The following KLHL1 variants were observed in gnomAD, a reference collection of about 807,000 sequenced individuals.
KLHL1 encodes the protein kelch-like protein 1.
In KLHL1, 47 loss-of-function variants were observed where a neutral mutation model predicts 77.7. That is an observed-to-expected ratio of 0.60 (90% CI 0.48 to 0.77). KLHL1 has a LOEUF of 0.77. KLHL1 is among the 30% of genes least tolerant of loss of function. The pLI is 0.00. For missense variants in KLHL1, 925 were observed against 910.8 expected (o/e 1.02, Z -0.20); for synonymous variants, 360 against 325.2 (o/e 1.11, Z -1.15).
intron 9 of KLHL1, among the ~76,000 whole-genome samples, chr13:69,715,910 T>C (rs9317837): frequency 0.26 from 39,053 of 152,020 alleles, 5,141 homozygotes; most frequent in South Asian, 0.33. Flanking sequence ...TATAAGGATA[T>C]ACTTTTCAAT....
intron 6 of KLHL1, among the ~76,000 whole-genome samples, chr13:69,817,078 A>G (rs1878151585): frequency 6.6e-6 from 1 of 152,144 alleles, no homozygotes; most frequent in African/African-American, 2.4e-5. Context: ...CTTACTGAAC[A>G]TAAACTCATG....
intron 1 of KLHL1, among the ~76,000 whole-genome samples, chr13:70,020,240 G>A (rs1000477598): frequency 6.6e-6 from 1 of 152,048 alleles, no homozygotes; most frequent in African/African-American, 2.4e-5. Context: ...CATAAACTGA[G>A]GTTGGAAACA....
At chr13:69,787,282 A>T (rs1471053244) in intron 7 of KLHL1, among the ~76,000 whole-genome samples, 7 of 152,196 alleles carry the variant, frequency 4.6e-5, no homozygotes, top group African/African-American at 1.7e-4. Flanking sequence ...ACAGTAACCA[A>T]AAGAGCATGG....
At chr13:69,791,801 C>A (rs571848971) in intron 7 of KLHL1, among the ~76,000 whole-genome samples, 1 of 152,216 alleles carries the variant, frequency 6.6e-6, no homozygotes, top group African/African-American at 2.4e-5. Context: ...TAATTTAAGA[C>A]CTTAAATGTT....
intron 7 of KLHL1, among the ~76,000 whole-genome samples, chr13:69,749,451 T>C (rs1286709644): frequency 2.0e-5 from 3 of 152,024 alleles, no homozygotes; most frequent in Non-Finnish European, 4.4e-5. Flanking sequence ...CCAGTACATA[T>C]AATTATTTAT....
chr13:70,074,882 T>A (rs1365117057), intron 1 of KLHL1, among the ~76,000 whole-genome samples: 4 of 152,040 alleles, frequency 2.6e-5, no homozygotes, highest in Admixed American at 2.0e-4. Context: ...TTTTAAATTC[T>A]GTAGACAAAT....
At chr13:70,006,718 C>T (rs1318959572) in intron 1 of KLHL1, among the ~76,000 whole-genome samples, 1 of 151,688 alleles carries the variant, frequency 6.6e-6, no homozygotes, top group African/African-American at 2.4e-5. Flanking sequence ...GGAGAAAGAT[C>T]CCAAAGGCAA....
At chr13:69,809,602 G>A (rs938196394) in intron 6 of KLHL1, among the ~76,000 whole-genome samples, 1 of 151,958 alleles carries the variant, frequency 6.6e-6, no homozygotes, top group Non-Finnish European at 1.5e-5. Flanking sequence ...TATCACAAAA[G>A]CACACAGCCC....
At chr13:70,007,203 G>A (rs776347019) in intron 1 of KLHL1, among the ~76,000 whole-genome samples, 118 of 151,958 alleles carry the variant, frequency 7.8e-4, no homozygotes, top group Non-Finnish European at 1.2e-3. Context: ...GGAATGTGTC[G>A]TATTGCAATA....
chr13:69,927,528 A>G (rs1882855390), intron 4 of KLHL1, among the ~76,000 whole-genome samples: 1 of 152,238 alleles, frequency 6.6e-6, no homozygotes, highest in Non-Finnish European at 1.5e-5. Flanking sequence ...CGAGATTTAT[A>G]TCTAGAATAT....
intron 6 of KLHL1, among the ~76,000 whole-genome samples, chr13:69,834,262 T>TG (rs1878891533): frequency 1.3e-5 from 2 of 151,532 alleles, no homozygotes; most frequent in Admixed American, 1.3e-4. Flanking sequence ...GTACATAAAT[T>TG]GGGGGGAGAA....
intron 5 of KLHL1, among the ~76,000 whole-genome samples, chr13:69,863,713 T>C (rs1008709729): frequency 2.0e-5 from 3 of 152,064 alleles, no homozygotes; most frequent in African/African-American, 4.8e-5. Flanking sequence ...TCAGTGTCTA[T>C]TGGATGATGC....
At chr13:69,846,194 C>A (rs544973345) in intron 5 of KLHL1, among the ~76,000 whole-genome samples, 1 of 151,584 alleles carries the variant, frequency 6.6e-6, no homozygotes, top group South Asian at 2.1e-4. Context: ...AGATACAGAG[C>A]ATAAGACTTT....
intron 8 of KLHL1, among the ~76,000 whole-genome samples, chr13:69,730,271 G>A (rs980077680): frequency 0.048 from 2,908 of 61,138 alleles, 42 homozygotes; most frequent in Middle Eastern, 0.079. Context: ...ACTTTAATGT[G>A]TGTGTGTGTG....
intron 5 of KLHL1, among the ~76,000 whole-genome samples, chr13:69,844,843 A>G (rs2138120550): frequency 6.6e-6 from 1 of 151,762 alleles, no homozygotes; most frequent in South Asian, 2.1e-4. Context: ...TTCACTTCAT[A>G]TGTACAAAAG....
In KLHL1 at chr13:69,740,337, A is replaced by G. The variant is rs1244930899; in HGVS notation, c.1802+57T>C. 18 of 1,181,510 alleles carry G rather than the reference A, an allele frequency of 1.5e-5. No homozygotes were observed. The East Asian group carries it at 3.1e-4, about 20-fold the overall frequency. The allele number at this position is 1,181,510 out of a possible 1,614,324, so 73.2% of individuals were successfully genotyped here. A position where few individuals can be genotyped will look rare whatever the true frequency, so the allele number is the denominator to read the frequency against. On this transcript the variant is annotated intron_variant, in intron 8 of 10. Coordinates refer to ENST00000377844, the MANE Select transcript of KLHL1 (RefSeq NM_020866.3). ...CTTATTAAAACTTATTTTTCAAATA[A>G]TATTTACCCAATAACTTTTTTTCTA...
chr13:70,086,178 G>A (rs771965304), intron 1 of KLHL1, among the ~76,000 whole-genome samples: 1 of 151,996 alleles, frequency 6.6e-6, no homozygotes, highest in Non-Finnish European at 1.5e-5. Flanking sequence ...ACAACATGGA[G>A]TGTCAGGAAG....
At chr13:69,939,727 A>T (rs1883307637) in intron 4 of KLHL1, among the ~76,000 whole-genome samples, 1 of 151,496 alleles carries the variant, frequency 6.6e-6, no homozygotes, top group Admixed American at 6.6e-5. Context: ...CCTGGAGCCT[A>T]TGCGCCCCTC....
intron 3 of KLHL1, among the ~76,000 whole-genome samples, chr13:69,956,339 C>T (rs1360760915): frequency 6.6e-6 from 1 of 150,544 alleles, no homozygotes; most frequent in Admixed American, 6.7e-5. Context: ...AGTAGACATA[C>T]ATATAGTAAA....
Sources: gnomAD v4.1 joint callset for allele counts (sites outside exome capture counted in the v4.1 genomes callset) on GRCh38, gnomAD v4.1.1 for gene constraint, MANE v1.5 for transcripts, NCBI Gene and HGNC (gene_info 2026-07-23, HGNC 2026-07-21) for gene names.